SETDB1: variants seen among roughly 807,000 people sequenced by gnomAD.
The protein encoded by SETDB1 is SET domain bifurcated histone lysine methyltransferase 1.
A neutral mutation model predicts 137.4 loss-of-function variants in SETDB1; 31 were observed. That is an observed-to-expected ratio of 0.23 (90% CI 0.17 to 0.30). The LOEUF (loss-of-function observed/expected upper bound fraction) is 0.30, where lower values mean the gene tolerates loss of function less well. SETDB1 is among the 10% of genes least tolerant of loss of function. The pLI is 1.00. For missense variants in SETDB1, 1,113 were observed against 1,631.5 expected (o/e 0.68, Z 5.47); for synonymous variants, 548 against 579.9 (o/e 0.95, Z 0.79).
chr1:150,936,310 A>G (rs1195271545), intron 3 of SETDB1, among the ~76,000 whole-genome samples: 2 of 151,820 alleles, frequency 1.3e-5, no homozygotes, highest in African/African-American at 4.8e-5. Context: ...TTTTATTTTA[A>G]CTTTTAATTT....
Position 150,964,237 on chromosome 1 carries a change from TC to T in SETDB1, c.3762-8del, listed in dbSNP as rs1365510378. 3.1e-6 allele frequency: 5 copies of T among 1,611,386 alleles called. No homozygotes were observed. The highest frequency in any genetic ancestry group is 3.3e-4 in the Middle Eastern group (2 of 6,076). Reference sequence around the variant, plus strand: ...TCTTTGCCACACACCATCCTTTTCTTCCTCTTCAGAAGAATCCGGGCTGGGA... The same window carrying T: ...TCTTTGCCACACACCATCCTTTTCTTCTCTTCAGAAGAATCCGGGCTGGGA... On this transcript the variant is annotated splice_polypyrimidine_tract_variant and intron_variant, in intron 21 of 21. Coordinates refer to ENST00000692827, the MANE Select transcript of SETDB1 (RefSeq NM_001366418.1).
intron 4 of SETDB1, among the ~76,000 whole-genome samples, chr1:150,940,753 A>G (rs1670113721): frequency 6.6e-6 from 1 of 151,892 alleles, no homozygotes; most frequent in Non-Finnish European, 1.5e-5. Flanking sequence ...TAATCCCAGG[A>G]CTTTGGGAGG....
chr1:150,960,730 G>T lies in SETDB1; in HGVS notation c.2671G>T (p.Asp891Tyr). The change falls in exon 16 of 22, where the codon GAT becomes TAT. Residue 891 changes from aspartate to tyrosine, a missense_variant. Physicochemically the swap from Asp to Tyr is radical, Grantham distance 160. Transcript: ENST00000692827. ...SSGVDLKDQE[D>Y]GNSGTEDPEE... is the part of the protein sequence containing the mutation. ...TGGTGTAGACTTGAAGGACCAGGAAGATGGCAACAGCGGTACAGAGGACCC... is the reference window on the plus strand; with the variant it reads ...TGGTGTAGACTTGAAGGACCAGGAATATGGCAACAGCGGTACAGAGGACCC... 2 of 1,611,382 alleles carry T rather than the reference G, an allele frequency of 1.2e-6. No individual in the cohort carries two copies. The highest frequency in any genetic ancestry group is 1.7e-6 in the Non-Finnish European group (2 of 1,178,766).
intron 14 of SETDB1, among the ~76,000 whole-genome samples, chr1:150,952,405 A>T (rs1670514614): frequency 6.6e-6 from 1 of 152,174 alleles, no homozygotes; most frequent in Non-Finnish European, 1.5e-5. Flanking sequence ...TTTGGGCTGT[A>T]TTAATAGGTA....
intron 4 of SETDB1, 47 bp from the exon 5 acceptor site, chr1:150,941,282 C>A (rs972101070): frequency 2.9e-6 from 3 of 1,021,242 alleles, no homozygotes; most frequent in Non-Finnish European, 4.6e-6. Context: ...TATTTGTAAC[C>A]CATGCTACTG....
chr1:150,933,874 C>T (rs1669863384), intron 3 of SETDB1, among the ~76,000 whole-genome samples: 1 of 146,962 alleles, frequency 6.8e-6, no homozygotes, highest in Non-Finnish European at 1.5e-5. Flanking sequence ...ACCTCCGCCT[C>T]TTGGGTTCAA....
At chr1:150,955,059 C>T (rs928968430) in intron 14 of SETDB1, among the ~76,000 whole-genome samples, 9 of 152,198 alleles carry the variant, frequency 5.9e-5, no homozygotes, top group Non-Finnish European at 1.2e-4. Flanking sequence ...CAGAGGAGAT[C>T]GAGACTACTG....
intron 18 of SETDB1, 22 bp from the exon 19 acceptor site, chr1:150,962,952 T>G (rs1670868970): frequency 6.2e-7 from 1 of 1,610,894 alleles, no homozygotes; most frequent in Non-Finnish European, 8.5e-7. Flanking sequence ...TTCTCTTACT[T>G]CTTACCCTCC....
At chr1:150,958,440 C>T (rs1458625198) in intron 14 of SETDB1, among the ~76,000 whole-genome samples, 2 of 151,532 alleles carry the variant, frequency 1.3e-5, no homozygotes, top group African/African-American at 2.4e-5. Context: ...TTATTAGAGA[C>T]GGGGTTTTAC....
chr1:150,936,080 G>A (rs1395427593), intron 3 of SETDB1, among the ~76,000 whole-genome samples: 2 of 152,102 alleles, frequency 1.3e-5, no homozygotes, highest in Non-Finnish European at 2.9e-5. Context: ...TCCACTTCCC[G>A]GTTTCACACC....
rs773457048 is a variant in SETDB1, at chr1:150,930,018, A to G, written c.312A>G (p.Gly104=). 1.2e-6 allele frequency: 2 copies of G among 1,613,930 alleles called. No individual in the cohort carries two copies. The highest frequency in any genetic ancestry group is 2.2e-5 in the South Asian group (2 of 91,068). ...TGAAGGACTTCTACTCCAAGCTGGG[A>G]CTACAATACCGGGACAGTAGCTCTG... is the stretch of plus-strand genomic sequence containing the variant. The part of the protein sequence containing the change: ...SLVKDFYSKL[G]LQYRDSSSED... Residue 104 remains glycine (G), a synonymous_variant, in exon 3 of 22, where the codon GGA becomes GGG. Transcript: ENST00000692827.
In SETDB1 at chr1:150,960,686, C is replaced by G. The variant is rs1670790179; in HGVS notation, c.2627C>G (p.Pro876Arg). 1.2e-6 allele frequency: 2 copies of G among 1,612,524 alleles called. No individual in the cohort carries two copies. Among genetic ancestry groups the G allele is most frequent in the South Asian group, 1.1e-5 (1 of 90,844 alleles). The change falls in exon 16 of 22, where the codon CCC becomes CGC. Residue 876 changes from proline (P) to arginine (R), a missense_variant. Pro to Arg is a moderately radical substitution (Grantham distance 103). Coordinates refer to ENST00000692827, the MANE Select transcript of SETDB1 (RefSeq NM_001366418.1). ...AAAGAAGGATATGAGAGTGATGCCC[C>G]CTGTTCCTCTGACAGCAGTGGTGTA... Reference protein sequence around the residue: ...NFKEGYESDAPCSSDSSGVDL... With the variant: ...NFKEGYESDARCSSDSSGVDL...
At chr1:150,957,922 C>G (rs1284053392) in intron 14 of SETDB1, among the ~76,000 whole-genome samples, 1 of 152,138 alleles carries the variant, frequency 6.6e-6, no homozygotes, top group Non-Finnish European at 1.5e-5. Context: ...CACGGTGGCT[C>G]ACACCTGTAC....
chr1:150,930,679 C>G (rs2102637384), intron 3 of SETDB1, among the ~76,000 whole-genome samples: 1 of 151,646 alleles, frequency 6.6e-6, no homozygotes, highest in Non-Finnish European at 1.5e-5. Flanking sequence ...AGGCAAACCC[C>G]CTGCCCCACC....
intron 14 of SETDB1, 108 bp downstream of exon 14, chr1:150,951,589 A>C: frequency 1.7e-6 from 1 of 599,670 alleles, no homozygotes; most frequent in Non-Finnish European, 3.0e-6. Context: ...AACCAAAAAT[A>C]GAATACCAGA....
intron 3 of SETDB1, among the ~76,000 whole-genome samples, chr1:150,936,667 A>G (rs1669952985): frequency 6.6e-6 from 1 of 152,152 alleles, no homozygotes; most frequent in Non-Finnish European, 1.5e-5. Context: ...AGTTCTTAGG[A>G]TATAGAAACC....
In SETDB1 at chr1:150,939,983, G is replaced by C. The variant is rs1472765528; in HGVS notation, c.447+9G>C. On this transcript the variant is annotated intron_variant, in intron 4 of 21. Transcript: ENST00000692827. ...CTCCAAAAGACCAGAAGGTAAGTTA[G>C]GATGGTAAGGGAAGGGTGAGAGATA... 6.2e-7 allele frequency: 1 copy of C among 1,609,130 alleles called. No individual in the cohort carries two copies. The highest frequency in any genetic ancestry group is 8.5e-7 in the Non-Finnish European group (1 of 1,175,972).
chr1:150,955,944 T>C (rs1307580305), intron 14 of SETDB1, among the ~76,000 whole-genome samples: 1 of 151,726 alleles, frequency 6.6e-6, no homozygotes, highest in Non-Finnish European at 1.5e-5. Context: ...TATAAAAAAT[T>C]AGCCAGGCGT....
chr1:150,949,023 C>G (rs1001931192), intron 10 of SETDB1, 99 bp from the exon 11 acceptor site: 1 of 1,250,394 alleles, frequency 8.0e-7, no homozygotes, highest in Non-Finnish European at 1.1e-6. Context: ...CCAGCCATTG[C>G]TTCCTTTTTA....
Sources: gnomAD v4.1 joint callset for allele counts (sites outside exome capture counted in the v4.1 genomes callset) on GRCh38, gnomAD v4.1.1 for gene constraint, MANE v1.5 for transcripts, NCBI Gene and HGNC (gene_info 2026-07-23, HGNC 2026-07-21) for gene names.